Variants in ROR1 observed in about 807,000 individuals in gnomAD.
ROR1 encodes the protein ROR family WNT receptor 1.
In ROR1, 19 loss-of-function variants were observed where a neutral mutation model predicts 78.8. The ratio of observed to expected loss-of-function variants is 0.24; its 90% CI spans 0.17 to 0.35. ROR1 has a LOEUF of 0.35. Ranked by LOEUF, ROR1 falls within the 10% of genes least tolerant of loss-of-function variation. The pLI, the probability that ROR1 is intolerant of heterozygous loss-of-function variation, is 1.00. For missense variants in ROR1, 917 were observed against 1,177.8 expected (o/e 0.78, Z 3.24); for synonymous variants, 386 against 433.6 (o/e 0.89, Z 1.36).
intron 1 of ROR1, among the ~76,000 whole-genome samples, chr1:63,790,349 C>T (rs1345429858): frequency 6.6e-6 from 1 of 152,168 alleles, no homozygotes; most frequent in Non-Finnish European, 1.5e-5. Context: ...TTTAAAAACG[C>T]GTCTTCGAAC....
intron 1 of ROR1, among the ~76,000 whole-genome samples, chr1:63,845,118 T>C (rs553448249): frequency 3.9e-5 from 6 of 152,284 alleles, no homozygotes; most frequent in Non-Finnish European, 7.4e-5. Context: ...TATGTTTTTT[T>C]CCCTGAAATG....
chr1:64,121,476 C>T (rs1049739597), intron 4 of ROR1, among the ~76,000 whole-genome samples: 2 of 152,120 alleles, frequency 1.3e-5, no homozygotes, highest in East Asian at 1.9e-4. Flanking sequence ...GTCCCTCCCC[C>T]GGAATGTAAA....
At chr1:63,978,283 G>C (rs554090129) in intron 1 of ROR1, among the ~76,000 whole-genome samples, 1 of 152,222 alleles carries the variant, frequency 6.6e-6, no homozygotes, top group Non-Finnish European at 1.5e-5. Flanking sequence ...TCAGGAGATT[G>C]TTTACAACTT....
At chr1:63,933,350 C>T (rs974138627) in intron 1 of ROR1, among the ~76,000 whole-genome samples, 2 of 152,188 alleles carry the variant, frequency 1.3e-5, no homozygotes, top group Admixed American at 1.3e-4. Flanking sequence ...TTGAGATTCT[C>T]CATGTTACTT....
At chr1:64,035,272 C>T (rs977082233) in intron 2 of ROR1, among the ~76,000 whole-genome samples, 3 of 152,288 alleles carry the variant, frequency 2.0e-5, no homozygotes, top group Middle Eastern at 3.4e-3. Context: ...GTCAGAGTTT[C>T]TAAAGTGGCT....
At chr1:64,027,810 C>A (rs1239511609) in intron 2 of ROR1, among the ~76,000 whole-genome samples, 2 of 151,956 alleles carry the variant, frequency 1.3e-5, no homozygotes. Flanking sequence ...GCCTCAGCCT[C>A]CTGAGTATCT....
chr1:63,817,741 TC>T (rs1300741797), intron 1 of ROR1, among the ~76,000 whole-genome samples: 11 of 152,144 alleles, frequency 7.2e-5, no homozygotes, highest in Non-Finnish European at 1.3e-4. Flanking sequence ...AGGGCAGAAT[TC>T]CGATTTCTTG....
At chr1:64,029,768 A>G (rs1569578156) in intron 2 of ROR1, among the ~76,000 whole-genome samples, 1 of 152,212 alleles carries the variant, frequency 6.6e-6, no homozygotes, top group Admixed American at 6.5e-5. Flanking sequence ...CTCCAAATAC[A>G]GTCACATCGG....
chr1:63,969,888 T>G (rs567049455), intron 1 of ROR1, among the ~76,000 whole-genome samples: 1 of 152,274 alleles, frequency 6.6e-6, no homozygotes, highest in South Asian at 2.1e-4. Flanking sequence ...GGCTGCCCAC[T>G]GCCCTTTCTC....
At chr1:64,029,485 C>T (rs1646642031) in intron 2 of ROR1, among the ~76,000 whole-genome samples, 1 of 152,160 alleles carries the variant, frequency 6.6e-6, no homozygotes, top group Admixed American at 6.5e-5. Context: ...AACAAAGTAC[C>T]ACATGCTGTG....
At chr1:63,835,629 A>ACTGT (rs1230299930) in intron 1 of ROR1, among the ~76,000 whole-genome samples, 1 of 152,220 alleles carries the variant, frequency 6.6e-6, no homozygotes, top group African/African-American at 2.4e-5. Context: ...TGTGCCAGAT[A>ACTGT]CTGTTAGAAG....
At chr1:64,011,123 A>G (rs1444792311) in intron 2 of ROR1, among the ~76,000 whole-genome samples, 1 of 152,220 alleles carries the variant, frequency 6.6e-6, no homozygotes, top group African/African-American at 2.4e-5. Flanking sequence ...GGTGGAATGA[A>G]GTGAGATGTC....
chr1:64,031,727 C>T (rs141230508), intron 2 of ROR1, among the ~76,000 whole-genome samples: 1 of 152,290 alleles, frequency 6.6e-6, no homozygotes, highest in African/African-American at 2.4e-5. Flanking sequence ...GTATGTGTGA[C>T]TTCAGAGATA....
At chr1:64,020,921 C>T (rs1273808379) in intron 2 of ROR1, among the ~76,000 whole-genome samples, 2 of 152,098 alleles carry the variant, frequency 1.3e-5, no homozygotes, top group African/African-American at 4.8e-5. Flanking sequence ...GAGAAGCTCA[C>T]TAATCATCTC....
chr1:63,788,049 G>C (rs970117254), intron 1 of ROR1, among the ~76,000 whole-genome samples: 22 of 152,316 alleles, frequency 1.4e-4, no homozygotes, highest in African/African-American at 5.1e-4. Flanking sequence ...CTGAGAGGCA[G>C]AAGAGGTCTG....
chr1:64,032,873 C>T (rs1459593570), intron 2 of ROR1, among the ~76,000 whole-genome samples: 2 of 152,004 alleles, frequency 1.3e-5, no homozygotes, highest in East Asian at 1.9e-4. Context: ...TTTTAAAAAA[C>T]AATATTCTGT....
chr1:64,002,728 G>C (rs1190528160), intron 1 of ROR1, among the ~76,000 whole-genome samples: 1 of 152,188 alleles, frequency 6.6e-6, no homozygotes, highest in Non-Finnish European at 1.5e-5. Flanking sequence ...GCATTTAAGT[G>C]TGATTCAAGA....
chr1:64,027,290 C>T (rs2100564185), intron 2 of ROR1, among the ~76,000 whole-genome samples: 1 of 152,328 alleles, frequency 6.6e-6, no homozygotes, highest in Non-Finnish European at 1.5e-5. Context: ...ATCCTTCCCT[C>T]ATAAAAGGTG....
chr1:63,878,494 ATT>A (rs11321676), intron 1 of ROR1, among the ~76,000 whole-genome samples: 181 of 149,294 alleles, frequency 1.2e-3, no homozygotes, highest in African/African-American at 2.0e-3. Context: ...AGCTGGAGTG[ATT>A]TTTTTTTTTT....
Sources: gnomAD v4.1 joint callset for allele counts (sites outside exome capture counted in the v4.1 genomes callset) on GRCh38, gnomAD v4.1.1 for gene constraint, MANE v1.5 for transcripts, NCBI Gene and HGNC (gene_info 2026-07-23, HGNC 2026-07-21) for gene names.